The following MAML3 variants were observed in gnomAD, a reference collection of about 807,000 sequenced individuals.
MAML3 encodes mastermind-like protein 3.
Under a neutral mutation model 101.9 loss-of-function variants are expected in MAML3, and 27 were observed. That is an observed-to-expected ratio of 0.27 (90% CI 0.20 to 0.37). The LOEUF is 0.37. Ranked by LOEUF, MAML3 falls within the 10% of genes least tolerant of loss-of-function variation. The pLI is 1.00. For missense variants in MAML3, 1,316 were observed against 1,444.9 expected, an observed-to-expected ratio of 0.91 and a Z score of 1.45; for synonymous variants, 501 against 555.9, an observed-to-expected ratio of 0.90 and a Z score of 1.39.
intron 1 of MAML3, among the ~76,000 whole-genome samples, chr4:140,081,111 G>A (rs1727855463): frequency 1.3e-5 from 2 of 151,974 alleles, no homozygotes; most frequent in Admixed American, 1.3e-4. Flanking sequence ...AATATCTGTG[G>A]TTATAGCAAC....
chr4:140,126,300 T>C (rs903579811), intron 1 of MAML3, among the ~76,000 whole-genome samples: 1 of 152,130 alleles, frequency 6.6e-6, no homozygotes, highest in South Asian at 2.1e-4. Context: ...ATGCCGTTTC[T>C]TCCTTAGTCA....
chr4:139,854,680 T>C (rs986610318), intron 2 of MAML3, among the ~76,000 whole-genome samples: 1 of 152,120 alleles, frequency 6.6e-6, no homozygotes, highest in Admixed American at 6.5e-5. Flanking sequence ...CAGTCCCCAG[T>C]CCAGGAGACC....
intron 2 of MAML3, among the ~76,000 whole-genome samples, chr4:139,741,378 T>G (rs1223063359): frequency 1.3e-5 from 2 of 152,170 alleles, no homozygotes; most frequent in Non-Finnish European, 2.9e-5. Context: ...TTTAGACATA[T>G]TCTTCGAACA....
intron 1 of MAML3, among the ~76,000 whole-genome samples, chr4:139,912,722 G>T (rs867730175): frequency 1.8e-4 from 28 of 152,340 alleles, no homozygotes; most frequent in African/African-American, 6.3e-4. Flanking sequence ...CTGGAGTTAC[G>T]CAGCTGCAAG....
chr4:139,815,901 A>G (rs79285812), intron 2 of MAML3, among the ~76,000 whole-genome samples: 1,567 of 152,300 alleles, frequency 0.01, 31 homozygotes, highest in African/African-American at 0.036. Flanking sequence ...GACGATGAGC[A>G]TAATAAATAA....
intron 1 of MAML3, among the ~76,000 whole-genome samples, chr4:140,045,257 T>C (rs72935735): frequency 0.13 from 19,579 of 152,062 alleles, 1,388 homozygotes; most frequent in African/African-American, 0.16. Context: ...TAGATGGGCA[T>C]GGTGGCAGGT....
In MAML3 at chr4:139,889,876, G is replaced by C; in HGVS notation, c.1560C>G (p.Pro520=). Residue 520 remains proline (P), a synonymous_variant, in exon 2 of 5, where the codon CCC becomes CCG. Transcript: ENST00000509479. ...QHSNQTSNWS[P]LGPPSSPYGA... is the part of the protein sequence containing the mutation. Reference sequence around the variant, plus strand: ...CATATGGACTAGAGGGAGGTCCTAAGGGAGACCAATTTGAAGTCTGATTTG... The same window carrying C: ...CATATGGACTAGAGGGAGGTCCTAACGGAGACCAATTTGAAGTCTGATTTG... The C allele has an allele frequency of 6.2e-7, 1 of 1,613,554 alleles. No individual in the cohort carries two copies. The highest frequency in any genetic ancestry group is 2.2e-5 in the East Asian group (1 of 44,718).
chr4:139,835,993 C>T (rs1038892132), intron 2 of MAML3, among the ~76,000 whole-genome samples: 4 of 152,188 alleles, frequency 2.6e-5, no homozygotes, highest in Non-Finnish European at 5.9e-5. Context: ...GGTCTGGGGA[C>T]TGCACCACAG....
chr4:139,973,327 CA>C (rs1415705936), intron 1 of MAML3, among the ~76,000 whole-genome samples: 1 of 152,162 alleles, frequency 6.6e-6, no homozygotes, highest in Non-Finnish European at 1.5e-5. Flanking sequence ...GCATGAATAG[CA>C]AAGGCAGGCT....
chr4:139,770,375 G>A (rs1381278445), intron 2 of MAML3, among the ~76,000 whole-genome samples: 1 of 152,210 alleles, frequency 6.6e-6, no homozygotes, highest in Admixed American at 6.5e-5. Flanking sequence ...TTCAACCGTT[G>A]TTCCCATGGA....
chr4:139,812,972 T>A (rs1426407612), intron 2 of MAML3, among the ~76,000 whole-genome samples: 36 of 128,190 alleles, frequency 2.8e-4, no homozygotes, highest in African/African-American at 3.3e-4. Context: ...CTCAGAAATG[T>A]AAAAAAAAAA....
intron 1 of MAML3, among the ~76,000 whole-genome samples, chr4:140,099,972 G>A (rs1020481162): frequency 6.6e-6 from 1 of 152,116 alleles, no homozygotes; most frequent in African/African-American, 2.4e-5. Context: ...GAACAAATCT[G>A]CATTCAGAGA....
chr4:139,864,517 A>C (rs1731852203), intron 2 of MAML3, among the ~76,000 whole-genome samples: 2 of 152,028 alleles, frequency 1.3e-5, no homozygotes, highest in African/African-American at 2.4e-5. Flanking sequence ...CTCTACTAAA[A>C]ATACAAAAAT....
chr4:140,112,856 G>C (rs564277362), intron 1 of MAML3, among the ~76,000 whole-genome samples: 1 of 152,210 alleles, frequency 6.6e-6, no homozygotes, highest in Non-Finnish European at 1.5e-5. Context: ...ATCTATGAGA[G>C]AGAAAATATT....
chr4:139,973,599 C>G (rs549636636), intron 1 of MAML3, among the ~76,000 whole-genome samples: 1 of 152,258 alleles, frequency 6.6e-6, no homozygotes, highest in Non-Finnish European at 1.5e-5. Flanking sequence ...TCAAGTCAGG[C>G]CCCAGTCAGG....
At chr4:140,063,766 CTTTG>C (rs1422591117) in intron 1 of MAML3, among the ~76,000 whole-genome samples, 3 of 150,998 alleles carry the variant, frequency 2.0e-5, no homozygotes, top group South Asian at 2.1e-4. Flanking sequence ...TTACTTCTTA[CTTTG>C]TTTATTTGTT....
At position 139,890,944 on chromosome 4, in the gene MAML3, C is replaced by G; in HGVS notation, c.492G>C (p.Lys164Asn). 1 of 1,612,656 alleles carries G rather than the reference C, an allele frequency of 6.2e-7. No homozygotes were observed. Among genetic ancestry groups the G allele is most frequent in the Non-Finnish European group, 8.5e-7 (1 of 1,179,118 alleles). ...TAAGTGGTGATCGAGCTCCTTCCAA[C>G]TTCCTTTTCACAGTCTCTTGTAGCT... Reference protein sequence around the residue: ...LIMLQETVKRKLEGARSPLNG... With the variant: ...LIMLQETVKRNLEGARSPLNG... The change falls in exon 2 of 5, where the codon AAG (lysine) becomes AAC (asparagine). Residue 164 changes from lysine to asparagine, a missense_variant. Physicochemically the swap from Lys to Asn is moderately conservative, Grantham distance 94. Transcript: ENST00000509479. The surrounding 1 kb of genome is among the most constrained non-coding windows in gnomAD (Gnocchi z 4.1).
chr4:140,129,689 G>A (rs6836413), intron 1 of MAML3, among the ~76,000 whole-genome samples: 55,288 of 151,956 alleles, frequency 0.36, 10,598 homozygotes, highest in East Asian at 0.53. Context: ...CAAAACGGCC[G>A]GGCGCGGTGG....
intron 2 of MAML3, among the ~76,000 whole-genome samples, chr4:139,848,048 T>C (rs1731479565): frequency 6.6e-6 from 1 of 152,218 alleles, no homozygotes; most frequent in African/African-American, 2.4e-5. Flanking sequence ...GTGTGCAATC[T>C]TATCTCTTTT....
Sources: allele counts gnomAD v4.1 joint callset (sites outside exome capture counted in the v4.1 genomes callset), GRCh38; gene constraint gnomAD v4.1.1; non-coding constraint Gnocchi (gnomAD v3.1); transcripts MANE v1.5; gene names NCBI Gene and HGNC (gene_info 2026-07-23, HGNC 2026-07-21).